Variants in NDUFAF2 observed in about 807,000 individuals in gnomAD.
NDUFAF2 encodes the protein NADH:ubiquinone oxidoreductase complex assembly factor 2.
A neutral mutation model predicts 22.8 loss-of-function variants in NDUFAF2; 13 were observed. That is an observed-to-expected ratio of 0.57 (90% CI 0.37 to 0.91). The LOEUF (loss-of-function observed/expected upper bound fraction) is 0.91, where lower values mean the gene tolerates loss of function less well. NDUFAF2 is among the 40% of genes least tolerant of loss of function. The probability of loss-of-function intolerance (pLI) is 0.01; values close to 1 mark genes in which losing one functional copy is unlikely to be tolerated. For missense variants in NDUFAF2, 162 were observed against 195.2 expected (o/e 0.83, Z 1.01); for synonymous variants, 53 against 64.2 (o/e 0.83, Z 0.84).
intron 3 of NDUFAF2, among the ~76,000 whole-genome samples, chr5:61,121,500 CTTG>C (rs1408084703): frequency 6.6e-6 from 1 of 152,038 alleles, no homozygotes; most frequent in Non-Finnish European, 1.5e-5. Context: ...TTCTGAAACT[CTTG>C]TTGTAGATAC....
At chr5:61,149,797 G>A (rs1261988865) in intron 3 of NDUFAF2, among the ~76,000 whole-genome samples, 2 of 152,104 alleles carry the variant, frequency 1.3e-5, no homozygotes, top group African/African-American at 4.8e-5. Flanking sequence ...AAAAATACTT[G>A]CTTTTTGGTA....
chr5:60,964,306 A>G (rs761570123), intron 1 of NDUFAF2, among the ~76,000 whole-genome samples: 3 of 152,146 alleles, frequency 2.0e-5, no homozygotes, highest in Non-Finnish European at 2.9e-5. Context: ...AGATGTATAT[A>G]TTTATGATGT....
intron 3 of NDUFAF2, among the ~76,000 whole-genome samples, chr5:61,119,600 C>T (rs1255789938): frequency 6.6e-6 from 1 of 152,128 alleles, no homozygotes; most frequent in African/African-American, 2.4e-5. Flanking sequence ...TATTTACCTA[C>T]TAGCATTTCT....
At chr5:60,991,226 G>T (rs1390703583) in intron 1 of NDUFAF2, among the ~76,000 whole-genome samples, 1 of 151,902 alleles carries the variant, frequency 6.6e-6, no homozygotes, top group East Asian at 1.9e-4. Flanking sequence ...TATTTATGGG[G>T]TACATGAGAT....
At chr5:61,124,895 G>A (rs1376519783) in intron 3 of NDUFAF2, among the ~76,000 whole-genome samples, 4 of 152,080 alleles carry the variant, frequency 2.6e-5, no homozygotes, top group African/African-American at 9.7e-5. Context: ...CATAGCTGGG[G>A]AGGCCTCAGG....
chr5:61,034,462 A>G (rs988183906), intron 1 of NDUFAF2, among the ~76,000 whole-genome samples: 2 of 152,168 alleles, frequency 1.3e-5, no homozygotes, highest in Non-Finnish European at 2.9e-5. Flanking sequence ...TAAACATAGA[A>G]AAGGTACAGT....
chr5:61,046,983 A>G (rs984836251), intron 1 of NDUFAF2, among the ~76,000 whole-genome samples: 1 of 152,122 alleles, frequency 6.6e-6, no homozygotes, highest in Non-Finnish European at 1.5e-5. Flanking sequence ...TCCTAAAATC[A>G]CTACAGCTTT....
intron 3 of NDUFAF2, among the ~76,000 whole-genome samples, chr5:61,149,912 G>A (rs187919544): frequency 4.6e-5 from 7 of 152,120 alleles, no homozygotes; most frequent in Admixed American, 2.0e-4. Context: ...TATTTTCATT[G>A]TTGTTGTTTG....
intron 1 of NDUFAF2, among the ~76,000 whole-genome samples, chr5:60,999,994 T>C (rs1288520189): frequency 3.3e-5 from 5 of 152,098 alleles, no homozygotes; most frequent in Non-Finnish European, 4.4e-5. Flanking sequence ...TTTTTTGGTC[T>C]GGAATTTGCA....
chr5:61,108,654 G>T (rs1239334562), intron 3 of NDUFAF2, among the ~76,000 whole-genome samples: 4 of 147,082 alleles, frequency 2.7e-5, no homozygotes, highest in African/African-American at 1.1e-4. Flanking sequence ...AGAGATGGGG[G>T]CCTCATTTCA....
chr5:61,147,855 T>C (rs1468706549), intron 3 of NDUFAF2, among the ~76,000 whole-genome samples: 1 of 152,124 alleles, frequency 6.6e-6, no homozygotes, highest in Non-Finnish European at 1.5e-5. Flanking sequence ...GAGTGACCCT[T>C]CCGGGATCTT....
intron 1 of NDUFAF2, among the ~76,000 whole-genome samples, chr5:61,008,683 C>T (rs994265675): frequency 6.6e-6 from 1 of 152,102 alleles, no homozygotes; most frequent in Admixed American, 6.6e-5. Flanking sequence ...TTTCATCAAC[C>T]ATTTGTGGCA....
intron 1 of NDUFAF2, among the ~76,000 whole-genome samples, chr5:61,028,294 C>T (rs1242911076): frequency 1.3e-5 from 2 of 152,020 alleles, no homozygotes; most frequent in Non-Finnish European, 2.9e-5. Flanking sequence ...TTGTTTTCGA[C>T]TTATCCCCTT....
chr5:61,035,349 A>T (rs1160586578), intron 1 of NDUFAF2, among the ~76,000 whole-genome samples: 1 of 148,682 alleles, frequency 6.7e-6, no homozygotes, highest in Non-Finnish European at 1.5e-5. Context: ...TACAGGCGTG[A>T]GCCACTGCAC....
chr5:61,057,083 A>G (rs1469474510), intron 1 of NDUFAF2, among the ~76,000 whole-genome samples: 4 of 151,564 alleles, frequency 2.6e-5, no homozygotes, highest in Non-Finnish European at 5.9e-5. Flanking sequence ...GAGTCAAAGT[A>G]TTAAAAATGC....
At chr5:60,947,393 T>C (rs1490149918) in intron 1 of NDUFAF2, among the ~76,000 whole-genome samples, 1 of 152,190 alleles carries the variant, frequency 6.6e-6, no homozygotes, top group Non-Finnish European at 1.5e-5. Context: ...TGCCTGAGGA[T>C]GTTGACAGTC....
intron 1 of NDUFAF2, among the ~76,000 whole-genome samples, chr5:60,950,465 A>G (rs993535095): frequency 6.6e-6 from 1 of 152,086 alleles, no homozygotes; most frequent in Non-Finnish European, 1.5e-5. Flanking sequence ...GATTACAGGC[A>G]TGAGCCACCA....
chr5:61,107,706 T>C (rs1459683158), intron 3 of NDUFAF2, among the ~76,000 whole-genome samples: 1 of 151,024 alleles, frequency 6.6e-6, no homozygotes, highest in Non-Finnish European at 1.5e-5. Flanking sequence ...ATGGTACATG[T>C]GCACAATGTG....
chr5:60,971,488 C>T (rs949499214), intron 1 of NDUFAF2, among the ~76,000 whole-genome samples: 7 of 151,986 alleles, frequency 4.6e-5, no homozygotes, highest in East Asian at 3.9e-4. Context: ...AGGGTTTCAC[C>T]GTGTTAGCCA....
Sources: allele counts gnomAD v4.1 joint callset (sites outside exome capture counted in the v4.1 genomes callset), GRCh38; gene constraint gnomAD v4.1.1; transcripts MANE v1.5; gene names NCBI Gene and HGNC (gene_info 2026-07-23, HGNC 2026-07-21).